The following NCAM2 variants were observed in gnomAD, a reference collection of about 807,000 sequenced individuals.
The protein encoded by NCAM2 is neural cell adhesion molecule 2.
NCAM2 carries 30 observed loss-of-function variants against 98.1 expected under a neutral mutation model. The ratio of observed to expected loss-of-function variants is 0.31; its 90% CI spans 0.23 to 0.41. The LOEUF is 0.41. NCAM2 is among the 10% of genes least tolerant of loss of function. The pLI, the probability that NCAM2 is intolerant of heterozygous loss-of-function variation, is 1.00. For missense variants in NCAM2, 867 were observed against 1,005.8 expected (o/e 0.86, Z 1.87); for synonymous variants, 368 against 342.4 (o/e 1.07, Z -0.83).
At chr21:21,476,192 A>T (rs1181018704) in intron 14 of NCAM2, among the ~76,000 whole-genome samples, 2 of 152,118 alleles carry the variant, frequency 1.3e-5, no homozygotes, top group African/African-American at 4.8e-5. Context: ...ATTGTTATAG[A>T]CAGGCTGTAA....
chr21:21,512,287 G>T (rs1045960061), intron 16 of NCAM2, among the ~76,000 whole-genome samples: 3 of 151,976 alleles, frequency 2.0e-5, no homozygotes, highest in African/African-American at 7.2e-5. Context: ...AGAGATAGGG[G>T]TCTACATTCA....
intron 9 of NCAM2, among the ~76,000 whole-genome samples, chr21:21,378,670 G>A (rs1300354198): frequency 1.3e-5 from 2 of 151,966 alleles, no homozygotes; most frequent in South Asian, 2.1e-4. Context: ...GTATATGTGT[G>A]CATCAATAAT....
intron 8 of NCAM2, among the ~76,000 whole-genome samples, chr21:21,364,942 C>A (rs1409056549): frequency 3.3e-5 from 5 of 152,034 alleles, no homozygotes; most frequent in Non-Finnish European, 2.9e-5. Flanking sequence ...ATGTGATGGG[C>A]AGCACATTGA....
At chr21:21,134,303 C>T (rs2066997417) in intron 1 of NCAM2, among the ~76,000 whole-genome samples, 1 of 152,000 alleles carries the variant, frequency 6.6e-6, no homozygotes, top group South Asian at 2.1e-4. Flanking sequence ...AACTCCTGAC[C>T]TCGTGATCTG....
chr21:21,531,358 T>C (rs1197693651), intron 16 of NCAM2, among the ~76,000 whole-genome samples: 5 of 152,200 alleles, frequency 3.3e-5, no homozygotes, highest in African/African-American at 1.2e-4. Flanking sequence ...AAATTCTCCA[T>C]GCATGCCACG....
chr21:21,264,982 ATATAT>A lies in NCAM2; in HGVS notation c.56-15595_56-15591del. On this transcript the variant is annotated intron_variant, in intron 1 of 17. Transcript: ENST00000400546. ...ATGTGTATATATACACATATATATT[ATATAT>A]GTGTATGTGTATATATACACATATA... Among the ~76,000 whole-genome samples the A allele has an allele frequency of 1.9e-5, 2 of 103,546 alleles. 1 individual carries two copies. The highest frequency in any genetic ancestry group is 3.9e-5 in the Non-Finnish European group (2 of 51,712). 67.9% of individuals were successfully genotyped at this position (103,546 alleles called of 152,430 possible). A position where few individuals can be genotyped will look rare whatever the true frequency, so the allele number is the denominator to read the frequency against.
chr21:21,374,468 A>G (rs779370697), intron 9 of NCAM2, among the ~76,000 whole-genome samples: 75 of 151,900 alleles, frequency 4.9e-4, no homozygotes, highest in Non-Finnish European at 8.8e-4. Flanking sequence ...GAAATGTACT[A>G]ATATGCTGTC....
chr21:21,237,655 T>C (rs1254379191), intron 1 of NCAM2, among the ~76,000 whole-genome samples: 1 of 152,134 alleles, frequency 6.6e-6, no homozygotes, highest in African/African-American at 2.4e-5. Flanking sequence ...AGGTTTACTG[T>C]TTTTCAAATT....
chr21:21,152,240 T>C (rs183837085), intron 1 of NCAM2, among the ~76,000 whole-genome samples: 1 of 152,192 alleles, frequency 6.6e-6, no homozygotes, highest in African/African-American at 2.4e-5. Flanking sequence ...TTAATTTAGA[T>C]TTTGTACTTA....
intron 8 of NCAM2, among the ~76,000 whole-genome samples, chr21:21,350,762 A>G (rs1017660546): frequency 1.3e-4 from 20 of 152,256 alleles, no homozygotes; most frequent in African/African-American, 4.6e-4. Flanking sequence ...TCAGATATAC[A>G]TATAAGCGTA....
chr21:21,151,318 C>T (rs866438045), intron 1 of NCAM2, among the ~76,000 whole-genome samples: 1 of 151,958 alleles, frequency 6.6e-6, no homozygotes, highest in Non-Finnish European at 1.5e-5. Context: ...ATGTGCACAA[C>T]GTGCATGTTT....
intron 1 of NCAM2, among the ~76,000 whole-genome samples, chr21:21,164,026 G>A (rs1202766625): frequency 3.3e-5 from 5 of 152,028 alleles, no homozygotes. Flanking sequence ...AGTGTACTTG[G>A]AAGTCTCAAC....
intron 1 of NCAM2, among the ~76,000 whole-genome samples, chr21:21,256,435 C>A (rs574090402): frequency 1.3e-5 from 2 of 152,282 alleles, no homozygotes; most frequent in South Asian, 4.1e-4. Flanking sequence ...CCAGGCTACT[C>A]CTGTTCGTTG....
intron 9 of NCAM2, among the ~76,000 whole-genome samples, chr21:21,387,627 C>T (rs1487911689): frequency 6.6e-6 from 1 of 152,000 alleles, no homozygotes; most frequent in African/African-American, 2.4e-5. Context: ...TTTAAATTAC[C>T]AAGTTTCAAT....
chr21:21,082,222 C>CT lies in NCAM2; in HGVS notation c.55+83607dup, dbSNP rs199964567. 1.6e-3 allele frequency among the ~76,000 whole-genome samples: 147 copies of CT among 92,064 alleles called. 4 individuals are homozygous for CT. The highest frequency in any genetic ancestry group is 0.011 in the African/African-American group (143 of 12,654). The allele number at this position is 92,064 out of a possible 152,430, so 60.4% of individuals were successfully genotyped here. ...CAGCCTGGGCGACAGAGTGAGAATCCTTTAAAAAAAAAAAAAAAAAAGAAT... is the reference window on the plus strand; with the variant it reads ...CAGCCTGGGCGACAGAGTGAGAATCCTTTTAAAAAAAAAAAAAAAAAAGAAT... On this transcript the variant is annotated intron_variant, in intron 1 of 17. Transcript: ENST00000400546.
chr21:21,420,449 C>T (rs1362052345), intron 11 of NCAM2, among the ~76,000 whole-genome samples: 1 of 151,772 alleles, frequency 6.6e-6, no homozygotes, highest in African/African-American at 2.4e-5. Context: ...TTACAGTCTT[C>T]TAAGACTAGG....
At chr21:21,340,082 GA>G (rs2074982611) in intron 8 of NCAM2, among the ~76,000 whole-genome samples, 1 of 151,620 alleles carries the variant, frequency 6.6e-6, no homozygotes, top group Non-Finnish European at 1.5e-5. Context: ...AAATTTATGT[GA>G]AATTAAAAAA....
intron 12 of NCAM2, among the ~76,000 whole-genome samples, chr21:21,453,752 A>G (rs761356908): frequency 6.6e-6 from 1 of 152,098 alleles, no homozygotes; most frequent in Non-Finnish European, 1.5e-5. Context: ...TTTCTACATT[A>G]AACAAATGAT....
At chr21:21,258,590 C>A (rs1429101027) in intron 1 of NCAM2, among the ~76,000 whole-genome samples, 1 of 152,152 alleles carries the variant, frequency 6.6e-6, no homozygotes, top group East Asian at 1.9e-4. Flanking sequence ...TAAGGAAACA[C>A]TGTCAGTGGC....
Sources: gnomAD v4.1 joint callset for allele counts (sites outside exome capture counted in the v4.1 genomes callset) on GRCh38, gnomAD v4.1.1 for gene constraint, MANE v1.5 for transcripts, NCBI Gene and HGNC (gene_info 2026-07-23, HGNC 2026-07-21) for gene names.